The following PRH1 variants were observed in gnomAD, a reference collection of about 807,000 sequenced individuals.
PRH1 encodes proline rich protein HaeIII subfamily 1, also known as salivary acidic proline-rich phosphoprotein 1/2.
A neutral mutation model predicts 7.9 loss-of-function variants in PRH1; 7 were observed. The observed-to-expected ratio is 0.89, with a 90% CI of 0.50 to 1.67. The LOEUF (loss-of-function observed/expected upper bound fraction) is 1.67. Ranked by LOEUF, PRH1 falls within the 40% of genes most tolerant of loss-of-function variation. The pLI is 0.00. For missense variants in PRH1, 109 were observed against 223.6 expected, an observed-to-expected ratio of 0.49 and a Z score of 3.27; for synonymous variants, 45 against 80.8, an observed-to-expected ratio of 0.56 and a Z score of 2.38.
chr12:10,938,409 C>T (rs1030589714), intron 2 of PRH1: 2 of 1,613,934 alleles, frequency 1.2e-6, no homozygotes, highest in Non-Finnish European at 1.7e-6. Flanking sequence ...ATTCCCATCA[C>T]CTGGGAAAGA....
At chr12:10,927,104 T>A (rs192167819) in intron 2 of PRH1, among the ~76,000 whole-genome samples, 1 of 152,290 alleles carries the variant, frequency 6.6e-6, no homozygotes, top group Non-Finnish European at 1.5e-5. Flanking sequence ...TGCTGATTGT[T>A]GACATTGGAG....
chr12:10,886,892 C>A (rs1949500565), upstream of PRH1, among the ~76,000 whole-genome samples: 1 of 152,196 alleles, frequency 6.6e-6, no homozygotes, highest in African/African-American at 2.4e-5. Context: ...GATTGTTCAG[C>A]CATGATGCTC....
intron 2 of PRH1, among the ~76,000 whole-genome samples, chr12:10,905,362 G>A (rs112852307): frequency 1.6e-4 from 25 of 152,034 alleles, no homozygotes; most frequent in Middle Eastern, 3.4e-3. Context: ...ATCAACCTAC[G>A]TGCCCATCAA....
intron 1 of PRH1, among the ~76,000 whole-genome samples, chr12:10,989,051 A>T (rs1466226109): frequency 2.6e-5 from 4 of 151,876 alleles, no homozygotes; most frequent in African/African-American, 9.7e-5. Context: ...CAGGTGATCC[A>T]CCCGCCTCGG....
At chr12:11,135,694 G>A (rs1286761925) in intron 1 of PRH1, among the ~76,000 whole-genome samples, 1 of 152,070 alleles carries the variant, frequency 6.6e-6, no homozygotes, top group Non-Finnish European at 1.5e-5. Context: ...GATGGGGAAC[G>A]GCAAAGATTT....
At chr12:10,968,655 C>T (rs561329515) in intron 2 of PRH1, among the ~76,000 whole-genome samples, 2 of 152,316 alleles carry the variant, frequency 1.3e-5, no homozygotes, top group African/African-American at 2.4e-5. Context: ...GGCTCACTGA[C>T]GCTAGAACCA....
chr12:11,010,315 T>A (rs1591806733), intron 1 of PRH1, among the ~76,000 whole-genome samples: 1 of 151,584 alleles, frequency 6.6e-6, no homozygotes, highest in African/African-American at 2.4e-5. Context: ...ATGATGATGT[T>A]GATGTCAGCT....
intron 1 of PRH1, among the ~76,000 whole-genome samples, chr12:11,144,515 C>G (rs1330562228): frequency 1.3e-5 from 2 of 152,194 alleles, no homozygotes; most frequent in African/African-American, 4.8e-5. Flanking sequence ...CCAAGGCTAT[C>G]TGCCTCCCAG....
intron 1 of PRH1, among the ~76,000 whole-genome samples, chr12:11,028,497 T>TCAAGACAAG (rs1942027992): frequency 6.6e-6 from 1 of 152,242 alleles, no homozygotes; most frequent in Non-Finnish European, 1.5e-5. Flanking sequence ...CCTTGCCATT[T>TCAAGACAAG]TTGTCTTGAA....
upstream of PRH1, chr12:11,048,589 A>G: frequency 1.7e-6 from 1 of 579,526 alleles, no homozygotes; most frequent in Non-Finnish European, 3.2e-6. Flanking sequence ...TTTTATGTGC[A>G]CCTTGGTGCT....
chr12:11,154,143 C>A (rs1319381661), intron 1 of PRH1, among the ~76,000 whole-genome samples: 1 of 152,120 alleles, frequency 6.6e-6, no homozygotes, highest in East Asian at 1.9e-4. Flanking sequence ...GATACATCAG[C>A]CAACTTTGGC....
At chr12:10,972,833 C>T (rs924651003) in intron 2 of PRH1, among the ~76,000 whole-genome samples, 3 of 151,686 alleles carry the variant, frequency 2.0e-5, no homozygotes, top group Non-Finnish European at 4.4e-5. Context: ...TTTGGGAACC[C>T]CAGGAAGGCC....
In PRH1 at chr12:11,074,101, T is replaced by C. The variant is rs1469187398; in HGVS notation, n.124-26913A>G. Among the ~76,000 whole-genome samples, 34 of 145,028 alleles carry C rather than the reference T, an allele frequency of 2.3e-4. 1 individual carries two copies. The South Asian group carries it at 7.3e-3, about 31-fold the overall frequency. On this transcript the variant is annotated intron_variant and non_coding_transcript_variant, in intron 1 of 4. Transcript: ENST00000541977. Reference sequence around the variant, plus strand: ...TTCCCTTGACTCTCTCCTGTTCCCATGGTCAGCACCTTGCCTGATCCAGAT... The same window carrying C: ...TTCCCTTGACTCTCTCCTGTTCCCACGGTCAGCACCTTGCCTGATCCAGAT...
intron 1 of PRH1, among the ~76,000 whole-genome samples, chr12:11,055,752 G>T (rs188646610): frequency 9.2e-5 from 14 of 152,332 alleles, no homozygotes; most frequent in Middle Eastern, 6.8e-3. Flanking sequence ...AATGGCAGTT[G>T]TAAGGGAAAT....
intron 2 of PRH1, among the ~76,000 whole-genome samples, chr12:10,904,349 A>C (rs1320224967): frequency 6.6e-6 from 1 of 152,186 alleles, no homozygotes; most frequent in Non-Finnish European, 1.5e-5. Flanking sequence ...AATGGAACAG[A>C]ATAGAGAACC....
rs143675824 is a variant in PRH1, at chr12:11,022,097, C to T, written c.-126+24923G>A. On this transcript the variant is annotated intron_variant, in intron 1 of 3. Transcript: ENST00000539853. ...TTGATCTTCCAAGTCACATTTCCTT[C>T]ATATTCTTTTGTCCACACTCTCTCA... 5.0e-5 allele frequency: 80 copies of T among 1,613,924 alleles called. 1 individual carries two copies. In the African/African-American group the frequency reaches 9.9e-4, roughly 20 times the overall value.
At chr12:11,148,813 G>A (rs1466136596) in intron 1 of PRH1, among the ~76,000 whole-genome samples, 3 of 124,602 alleles carry the variant, frequency 2.4e-5, no homozygotes, top group Admixed American at 8.2e-5. Flanking sequence ...AATGAGTTAG[G>A]GAGGATTCCC....
rs375096324 is a variant in PRH1 at position 11,030,834 on chromosome 12, A to G, written c.-126+16186T>C. On this transcript the variant is annotated intron_variant, in intron 1 of 3. Coordinates refer to the PRH1 transcript ENST00000539853. The stretch of plus-strand genomic sequence containing the variant: ...TCTGAAAGGTACACTGCACTCCTCA[A>G]TTTGATCTTCCAAGTCAAGTTTCCT... 3.1e-5 allele frequency: 50 copies of G among 1,614,046 alleles called. 1 individual carries two copies. In the African/African-American group the frequency reaches 4.0e-4, roughly 13 times the overall value.
chr12:11,138,179 A>G (rs1463398446), intron 1 of PRH1, among the ~76,000 whole-genome samples: 2 of 152,134 alleles, frequency 1.3e-5, no homozygotes, highest in Non-Finnish European at 2.9e-5. Context: ...ATAGACAAAT[A>G]CTCTATGCAA....
Sources: gnomAD v4.1 joint callset for allele counts (sites outside exome capture counted in the v4.1 genomes callset) on GRCh38, gnomAD v4.1.1 for gene constraint, MANE v1.5 for transcripts, NCBI Gene and HGNC (gene_info 2026-07-23, HGNC 2026-07-21) for gene names.